Variants in HHIP observed in about 807,000 individuals in gnomAD.
The protein encoded by HHIP is hedgehog-interacting protein.
HHIP carries 12 observed loss-of-function variants against 74.0 expected under a neutral mutation model. The observed-to-expected ratio is 0.16, with a 90% CI of 0.10 to 0.26. The LOEUF is 0.26. Ranked by LOEUF, HHIP falls within the 10% of genes least tolerant of loss-of-function variation. The pLI, the probability that HHIP is intolerant of heterozygous loss-of-function variation, is 1.00. For missense variants in HHIP, 788 were observed against 845.0 expected (o/e 0.93, Z 0.84); for synonymous variants, 309 against 311.6 (o/e 0.99, Z 0.09).
rs370614147 is a variant in HHIP at position 144,693,146 on chromosome 4, C to T, written c.832-13385C>T. On this transcript the variant is annotated intron_variant, in intron 4 of 12. Coordinates refer to ENST00000296575, the MANE Select transcript of HHIP (RefSeq NM_022475.3). ...GTGAGGAAAGTGGAACCACTATAAA[C>T]ACTTCATTTGCCCTACAATTTAGAA... Among the ~76,000 whole-genome samples the T allele has an allele frequency of 1.2e-4, 18 of 152,236 alleles. No individual in the cohort carries two copies. In the South Asian group the frequency reaches 3.7e-3, roughly 32 times the overall value.
chr4:144,715,483 G>A, intron 10 of HHIP, 53 bp downstream of exon 10: 1 of 1,557,106 alleles, frequency 6.4e-7, no homozygotes, highest in Middle Eastern at 1.7e-4. Flanking sequence ...TTTTTCAAGA[G>A]GCTTTGTTCT....
chr4:144,699,143 C>G (rs903286429), intron 4 of HHIP, among the ~76,000 whole-genome samples: 1 of 152,208 alleles, frequency 6.6e-6, no homozygotes, highest in Non-Finnish European at 1.5e-5. Context: ...ACTGCTCCTA[C>G]TTCAAATACC....
chr4:144,683,462 A>G (rs1331764344), intron 4 of HHIP, among the ~76,000 whole-genome samples: 1 of 152,220 alleles, frequency 6.6e-6, no homozygotes, highest in East Asian at 1.9e-4. Context: ...CTGTGTTTAA[A>G]TGGTTGGTTC....
chr4:144,714,487 T>C lies in HHIP; in HGVS notation c.1547+139T>C, dbSNP rs191950851. 5.0e-6 allele frequency: 4 copies of C among 801,484 alleles called. No homozygotes were observed. The East Asian group carries it at 8.0e-5, about 16-fold the overall frequency. 49.6% of individuals were successfully genotyped at this position (801,484 alleles called of 1,614,324 possible). On this transcript the variant is annotated intron_variant, in intron 9 of 12. Coordinates refer to ENST00000296575, the MANE Select transcript of HHIP (RefSeq NM_022475.3). ...GAATACACATAAATATTATTTACTT[T>C]TAGTTCCATAGATATAGTGGTTTAA...
intron 11 of HHIP, among the ~76,000 whole-genome samples, chr4:144,722,656 C>T (rs1044232091): frequency 6.6e-6 from 1 of 152,034 alleles, no homozygotes; most frequent in African/African-American, 2.4e-5. Flanking sequence ...AGTTCAAGAC[C>T]AGCCTGGCCA....
intron 4 of HHIP, among the ~76,000 whole-genome samples, chr4:144,670,535 C>A (rs927387890): frequency 1.1e-4 from 16 of 148,962 alleles, no homozygotes; most frequent in African/African-American, 3.9e-4. Flanking sequence ...CTATTTAGTT[C>A]TAATAAGCTG....
intron 4 of HHIP, among the ~76,000 whole-genome samples, chr4:144,671,660 G>A (rs1399606417): frequency 6.6e-6 from 1 of 152,118 alleles, no homozygotes; most frequent in Non-Finnish European, 1.5e-5. Flanking sequence ...TCTCTTCGGG[G>A]ATCATGACGG....
chr4:144,682,688 T>C (rs774391586), intron 4 of HHIP, among the ~76,000 whole-genome samples: 21 of 152,252 alleles, frequency 1.4e-4, no homozygotes, highest in Non-Finnish European at 2.5e-4. Context: ...ACACCATCTC[T>C]ATGTGTCAAA....
intron 4 of HHIP, among the ~76,000 whole-genome samples, chr4:144,693,089 G>A (rs894535121): frequency 3.9e-5 from 6 of 152,172 alleles, no homozygotes; most frequent in Admixed American, 2.6e-4. Context: ...TGTTCATAAC[G>A]TTATAGGTGT....
intron 4 of HHIP, among the ~76,000 whole-genome samples, chr4:144,691,178 A>C (rs72948482): frequency 0.044 from 6,652 of 152,298 alleles, 467 homozygotes; most frequent in African/African-American, 0.15. Context: ...TAGAAAAAAA[A>C]CAAAACTTCC....
At chr4:144,726,363 T>C (rs536074388) in intron 11 of HHIP, among the ~76,000 whole-genome samples, 12 of 152,290 alleles carry the variant, frequency 7.9e-5, no homozygotes, top group African/African-American at 2.9e-4. Flanking sequence ...ATTTGCATTA[T>C]GTGCTACAGA....
At chr4:144,715,514 C>A in intron 10 of HHIP, 84 bp downstream of exon 10, 2 of 1,258,480 alleles carry the variant, frequency 1.6e-6, no homozygotes, top group Non-Finnish European at 1.1e-6. Flanking sequence ...ATAAATACAG[C>A]AATCTTATCC....
At chr4:144,654,973 A>G (rs1462982964) in intron 2 of HHIP, 1 of 152,206 alleles carries the variant, frequency 6.6e-6, no homozygotes, top group Non-Finnish European at 1.5e-5. Flanking sequence ...AAGAATTGGG[A>G]GAGAGAAATG....
chr4:144,650,041 C>A (rs1194118331), intron 1 of HHIP, among the ~76,000 whole-genome samples: 1 of 152,138 alleles, frequency 6.6e-6, no homozygotes. Flanking sequence ...AAGGCGACAT[C>A]TTAATATACT....
intron 8 of HHIP, among the ~76,000 whole-genome samples, chr4:144,713,030 G>T (rs1372366125): frequency 6.6e-6 from 1 of 151,146 alleles, no homozygotes; most frequent in Non-Finnish European, 1.5e-5. Context: ...AAATTCTACA[G>T]TCACATTAAT....
chr4:144,690,475 G>A (rs983205017), intron 4 of HHIP, among the ~76,000 whole-genome samples: 1 of 152,150 alleles, frequency 6.6e-6, no homozygotes, highest in South Asian at 2.1e-4. Flanking sequence ...GGTCTTAAAC[G>A]ATCAACAAGT....
At chr4:144,706,927 G>A (rs1322932440) in intron 5 of HHIP, among the ~76,000 whole-genome samples, 160 bp from the exon 6 acceptor site, 1 of 152,170 alleles carries the variant, frequency 6.6e-6, no homozygotes, top group Non-Finnish European at 1.5e-5. Flanking sequence ...GGAAAATAAT[G>A]TGATTTTCCA....
chr4:144,672,212 T>A (rs1729057858), intron 4 of HHIP, among the ~76,000 whole-genome samples: 2 of 152,142 alleles, frequency 1.3e-5, no homozygotes, highest in African/African-American at 4.8e-5. Context: ...AGAAACCCAG[T>A]CAGCATCTCC....
Position 144,724,719 on chromosome 4 carries a change from C to CAT in HHIP, c.1760+5778_1760+5779dup, listed in dbSNP as rs201504149. 2.5e-3 allele frequency among the ~76,000 whole-genome samples: 351 copies of CAT among 138,414 alleles called. 1 individual carries two copies. The highest frequency in any genetic ancestry group is 5.5e-3 in the South Asian group (24 of 4,340). The allele number at this position is 138,414 out of a possible 152,430, so 90.8% of individuals were successfully genotyped here. ...ATAAGTATATATATATGTATGTATG[C>CAT]ATATATATATATATATCCCATTTCC... is the stretch of plus-strand genomic sequence containing the variant. On this transcript the variant is annotated intron_variant, in intron 11 of 12. Transcript: ENST00000296575.
Sources: allele counts gnomAD v4.1 joint callset (sites outside exome capture counted in the v4.1 genomes callset), GRCh38; gene constraint gnomAD v4.1.1; transcripts MANE v1.5; gene names NCBI Gene and HGNC (gene_info 2026-07-23, HGNC 2026-07-21).